Variants in EPS8 observed in about 807,000 individuals in gnomAD.
EPS8 encodes EGFR pathway substrate 8, signaling adaptor, also known as epidermal growth factor receptor kinase substrate 8.
In EPS8, 42 loss-of-function variants were observed where a neutral mutation model predicts 103.8. The ratio of observed to expected loss-of-function variants is 0.40; its 90% confidence interval spans 0.32 to 0.52. The LOEUF is 0.52. Among genes scored for constraint, EPS8 ranks in the 20% least tolerant of loss-of-function variants. The pLI is 0.40. For synonymous variants in EPS8, 344 were observed against 344.6 expected, an observed-to-expected ratio of 1.00 and a Z score of 0.02; for missense variants, 969 against 1,005.1, an observed-to-expected ratio of 0.96 and a Z score of 0.49.
chr12:15,629,361 G>A (rs923594032), intron 18 of EPS8, among the ~76,000 whole-genome samples: 6 of 152,290 alleles, frequency 3.9e-5, no homozygotes, highest in African/African-American at 1.4e-4. Flanking sequence ...GAGTCCCACC[G>A]TGTCAAAGAT....
rs1184678709 is a variant in EPS8, at chr12:15,696,351, C to T, written c.-21-13379G>A. ...TTTAGAGACTTTCCAAGTTTAAGAA[C>T]ATGGACTTGGCCGGGTGCAGTGGCT... On this transcript the variant is annotated intron_variant, in intron 1 of 20. Transcript: ENST00000281172. This position sits in a 1 kb window ranked among gnomAD's most constrained non-coding sequence, Gnocchi z 4.8. 1.3e-5 allele frequency among the ~76,000 whole-genome samples: 2 copies of T among 151,998 alleles called. No individual in the cohort carries two copies. Among genetic ancestry groups the T allele is most frequent in the Non-Finnish European group, 2.9e-5 (2 of 67,980 alleles).
chr12:15,694,391 G>GA (rs1411061573), intron 1 of EPS8, among the ~76,000 whole-genome samples: 2 of 152,092 alleles, frequency 1.3e-5, no homozygotes, highest in Non-Finnish European at 2.9e-5. Flanking sequence ...AAATCCCAGA[G>GA]AAAAAACAAT....
rs965725751 is a variant in EPS8, at chr12:15,676,091, T to A, written c.136+5135A>T. Among the ~76,000 whole-genome samples, 6 of 151,602 alleles carry A rather than the reference T, an allele frequency of 4.0e-5. No individual in the cohort carries two copies. In the South Asian group the frequency reaches 1.2e-3, roughly 32 times the overall value. Reference sequence around the variant, plus strand: ...ATCGAGACCATCCTGGCTAACACGGTGAAACCCCGTCTCTATTAAAAATAC... The same window carrying A: ...ATCGAGACCATCCTGGCTAACACGGAGAAACCCCGTCTCTATTAAAAATAC... On this transcript the variant is annotated intron_variant, in intron 3 of 20. Coordinates refer to ENST00000281172, the MANE Select transcript of EPS8 (RefSeq NM_004447.6).
At chr12:15,680,798 G>T (rs1413685184) in intron 3 of EPS8, among the ~76,000 whole-genome samples, 1 of 152,084 alleles carries the variant, frequency 6.6e-6, no homozygotes, top group Non-Finnish European at 1.5e-5. Context: ...TAATCATTTT[G>T]CAGTGCATAA....
At chr12:15,663,929 A>AT (rs1370160382) in intron 8 of EPS8, among the ~76,000 whole-genome samples, 1 of 4,354 alleles carries the variant, frequency 2.3e-4, no homozygotes. Context: ...TCAAAAAAAA[A>AT]AAAAAAAAAA....
At position 15,698,851 on chromosome 12, in the gene EPS8, T is replaced by C. The variant is rs559807533; in HGVS notation, c.-21-15879A>G. Among the ~76,000 whole-genome samples, 202 of 152,306 alleles carry C rather than the reference T, an allele frequency of 1.3e-3. No homozygotes were observed. The highest frequency in any genetic ancestry group is 3.4e-3 in the Middle Eastern group (1 of 294). ...GAGCCACATGACTGCTTCCCCATTA[T>C]GAAGGAAATAGAATAAAACAATGTA... On this transcript the variant is annotated intron_variant, in intron 1 of 20. Coordinates refer to ENST00000281172, the MANE Select transcript of EPS8 (RefSeq NM_004447.6). This position sits in a 1 kb window ranked among gnomAD's most constrained non-coding sequence, Gnocchi z 4.9.
rs189614230 is a variant in EPS8, at chr12:15,708,528, G to A, written c.-21-25556C>T. Among the ~76,000 whole-genome samples the A allele has an allele frequency of 9.8e-5, 15 of 152,314 alleles. No individual in the cohort carries two copies. In the East Asian group the frequency reaches 2.9e-3, roughly 29 times the overall value. On this transcript the variant is annotated intron_variant, in intron 1 of 20. Coordinates refer to ENST00000281172, the MANE Select transcript of EPS8 (RefSeq NM_004447.6). ...TATGAATGAATATGGCTCATAACATGTGGCAAAGTGAGACAGCCAGGCAAT... is the reference window on the plus strand; with the variant it reads ...TATGAATGAATATGGCTCATAACATATGGCAAAGTGAGACAGCCAGGCAAT...
rs957241181 is a variant in EPS8, at chr12:15,731,262, T to C, written c.-21-48290A>G. Among the ~76,000 whole-genome samples the C allele has an allele frequency of 2.0e-5, 3 of 152,144 alleles. No individual in the cohort carries two copies. The highest frequency in any genetic ancestry group is 4.4e-5 in the Non-Finnish European group (3 of 68,014). Reference sequence around the variant, plus strand: ...GTATTTTGAAGACAAATTCAGAATATAAAACTTTAATAAGCCTTCCACCAT... The same window carrying C: ...GTATTTTGAAGACAAATTCAGAATACAAAACTTTAATAAGCCTTCCACCAT... On this transcript the variant is annotated intron_variant, in intron 1 of 20. Transcript: ENST00000281172. The surrounding 1 kb of genome is among the most constrained non-coding windows in gnomAD (Gnocchi z 5.1).
intron 1 of EPS8, among the ~76,000 whole-genome samples, chr12:15,687,795 C>T (rs931010385): frequency 1.3e-5 from 2 of 152,182 alleles, no homozygotes; most frequent in African/African-American, 2.4e-5. Flanking sequence ...ACATGTACTA[C>T]TGGATGCTAT....
At chr12:15,674,832 C>CA (rs1293748776) in intron 3 of EPS8, among the ~76,000 whole-genome samples, 12 of 107,706 alleles carry the variant, frequency 1.1e-4, no homozygotes, top group South Asian at 3.7e-4. Flanking sequence ...TTAAGAATTT[C>CA]AAAAAAAAAT....
chr12:15,667,233 G>A lies in EPS8; in HGVS notation c.517-711C>T, dbSNP rs139537825. Reference sequence around the variant, plus strand: ...TTTGGGCCTCCCTGTTCTCTGTAATGTTTTCTCAAATATGTATGTTGTATT... The same window carrying A: ...TTTGGGCCTCCCTGTTCTCTGTAATATTTTCTCAAATATGTATGTTGTATT... On this transcript the variant is annotated intron_variant, in intron 6 of 20. Coordinates refer to ENST00000281172, the MANE Select transcript of EPS8 (RefSeq NM_004447.6). Among the ~76,000 whole-genome samples, 270 of 152,202 alleles carry A rather than the reference G, an allele frequency of 1.8e-3. 2 individuals carry two copies. In the Middle Eastern group the frequency reaches 0.027, roughly 15 times the overall value.
chr12:15,682,024 G>A (rs1381893317), intron 2 of EPS8, among the ~76,000 whole-genome samples: 1 of 152,072 alleles, frequency 6.6e-6, no homozygotes, highest in East Asian at 1.9e-4. Context: ...TAAAATCAAA[G>A]AAGGACTAAC....
In EPS8 at chr12:15,725,924, A is replaced by G. The variant is rs963729785; in HGVS notation, c.-21-42952T>C. Among the ~76,000 whole-genome samples, 1 of 152,328 alleles carries G rather than the reference A, an allele frequency of 6.6e-6. No homozygotes were observed. Among genetic ancestry groups the G allele is most frequent in the Admixed American group, 6.5e-5 (1 of 15,304 alleles). ...CTCTGTTTTACAAATACAGGTATAG[A>G]TACACATATTAAAAGTGTACACATA... On this transcript the variant is annotated intron_variant, in intron 1 of 20. Transcript: ENST00000281172. This position sits in a 1 kb window ranked among gnomAD's most constrained non-coding sequence, Gnocchi z 4.5.
intron 1 of EPS8, among the ~76,000 whole-genome samples, chr12:15,765,378 G>A (rs1420113094): frequency 6.6e-6 from 1 of 152,074 alleles, no homozygotes; most frequent in Non-Finnish European, 1.5e-5. Flanking sequence ...ATATCAACTG[G>A]TGACTTTTAC....
At chr12:15,645,301 C>A (rs1261227990) in intron 15 of EPS8, among the ~76,000 whole-genome samples, 1 of 152,008 alleles carries the variant, frequency 6.6e-6, no homozygotes, top group Non-Finnish European at 1.5e-5. Context: ...TATTCCTTTT[C>A]CTAATGTCAG....
chr12:15,643,402 T>G (rs1477443411), intron 15 of EPS8, among the ~76,000 whole-genome samples: 2 of 152,158 alleles, frequency 1.3e-5, no homozygotes, highest in Non-Finnish European at 2.9e-5. Context: ...ACACTGACCA[T>G]AGTTATCAAA....
At position 15,777,220 on chromosome 12, in the gene EPS8, T is replaced by C. The variant is rs1346270946; in HGVS notation, c.-22+11941A>G. On this transcript the variant is annotated intron_variant, in intron 1 of 20. Coordinates refer to ENST00000281172, the MANE Select transcript of EPS8 (RefSeq NM_004447.6). The surrounding 1 kb of genome is among the most constrained non-coding windows in gnomAD (Gnocchi z 4.7). ...TTATATAACTCAAGATATATTTTAA[T>C]TCAAATTCTAAAATTCCCTACAGTG... Among the ~76,000 whole-genome samples, 3 of 151,946 alleles carry C rather than the reference T, an allele frequency of 2.0e-5. No homozygotes were observed. The highest frequency in any genetic ancestry group is 2.9e-5 in the Non-Finnish European group (2 of 67,998).
intron 1 of EPS8, among the ~76,000 whole-genome samples, chr12:15,703,173 A>G (rs1164079354): frequency 6.6e-6 from 1 of 152,190 alleles, no homozygotes; most frequent in Non-Finnish European, 1.5e-5. Flanking sequence ...ATAAAAATAA[A>G]TAAAGAAAAA....
chr12:15,633,302 G>T (rs1006294111), intron 17 of EPS8, among the ~76,000 whole-genome samples: 42 of 152,144 alleles, frequency 2.8e-4, no homozygotes, highest in Non-Finnish European at 1.2e-4. Context: ...ACACACCAAA[G>T]TCATCTGATT....
Sources: allele counts gnomAD v4.1 joint callset (sites outside exome capture counted in the v4.1 genomes callset), GRCh38; gene constraint gnomAD v4.1.1; non-coding constraint Gnocchi (gnomAD v3.1); transcripts MANE v1.5; gene names NCBI Gene and HGNC (gene_info 2026-07-23, HGNC 2026-07-21).